COL6A1: variants seen among roughly 807,000 people sequenced by gnomAD.
The protein encoded by COL6A1 is collagen type VI alpha 1 chain.
In COL6A1, 80 loss-of-function variants were observed where a neutral mutation model predicts 145.6. The observed-to-expected ratio is 0.55, with a 90% CI of 0.46 to 0.66. The LOEUF is 0.66. Among genes scored for constraint, COL6A1 ranks in the 30% least tolerant of loss-of-function variants. COL6A1 has a pLI of 0.00. For missense variants in COL6A1, 1,364 were observed against 1,473.8 expected (o/e 0.93, Z 1.22); for synonymous variants, 638 against 622.8 (o/e 1.02, Z -0.36).
In COL6A1 at chr21:46,004,576, C is replaced by A; in HGVS notation, c.*563C>A. On this transcript the variant is annotated 3_prime_UTR_variant, in exon 35 of 35. Coordinates refer to ENST00000361866, the MANE Select transcript of COL6A1 (RefSeq NM_001848.3). ...ACTCAAAGCAAGCTCTTCTCCTCAG[C>A]TTGGGGCAGCCATTGGCCTCTGTCT... The A allele has an allele frequency of 2.9e-6, 1 of 339,802 alleles. No individual in the cohort carries two copies. Among genetic ancestry groups the A allele is most frequent in the South Asian group, 2.2e-5 (1 of 46,478 alleles). 21.0% of individuals were successfully genotyped at this position (339,802 alleles called of 1,614,324 possible). A position where few individuals can be genotyped will look rare whatever the true frequency, so the allele number is the denominator to read the frequency against.
chr21:46,003,212 G>A, intron 34 of COL6A1, 63 bp downstream of exon 34: 1 of 1,612,496 alleles, frequency 6.2e-7, no homozygotes, highest in East Asian at 2.2e-5. Context: ...CGAGGGCTCT[G>A]AGAGGACGGG....
chr21:45,991,246 G>A (rs939860282), intron 15 of COL6A1, among the ~76,000 whole-genome samples: 15 of 152,216 alleles, frequency 9.9e-5, no homozygotes, highest in Non-Finnish European at 1.6e-4. Context: ...TGGCGCTCCC[G>A]CCCAGAGCCT....
intron 2 of COL6A1, 59 bp from the exon 3 acceptor site, chr21:45,984,210 C>CG: frequency 6.6e-7 from 1 of 1,505,680 alleles, no homozygotes; most frequent in Non-Finnish European, 9.0e-7. Flanking sequence ...CGCCCTGGGA[C>CG]GGGTAGCGAT....
intron 21 of COL6A1, 78 bp downstream of exon 21, chr21:45,997,561 G>T (rs947062730): frequency 1.9e-6 from 3 of 1,555,872 alleles, no homozygotes; most frequent in Non-Finnish European, 2.7e-6. Context: ...CCCAGTGCTG[G>T]CCCCGTGCCC....
chr21:46,001,583 A>G (rs1242652992), intron 30 of COL6A1, among the ~76,000 whole-genome samples, 197 bp downstream of exon 30: 2 of 152,244 alleles, frequency 1.3e-5, no homozygotes, highest in Middle Eastern at 3.4e-3. Flanking sequence ...CCCATTGTAC[A>G]CAGGCGCCCC....
chr21:45,985,123 CAGACAGAGAGACAG>C (rs985503964), intron 3 of COL6A1, among the ~76,000 whole-genome samples: 139 of 145,798 alleles, frequency 9.5e-4, no homozygotes, highest in African/African-American at 3.4e-3. Context: ...CAGAGACAGG[CAGACAGAGAGACAG>C]AGACAGAGAC....
chr21:45,997,780 C>T lies in COL6A1; in HGVS notation c.1524+18C>T, dbSNP rs902883953. ...GTGAAAGGGTGAGTGTCCAACAGCT[C>T]GGGCCCTAGGGCGGAGGCCTGGCCG... On this transcript the variant is annotated intron_variant, in intron 22 of 34. Coordinates refer to ENST00000361866, the MANE Select transcript of COL6A1 (RefSeq NM_001848.3). 79 of 1,574,336 alleles carry T rather than the reference C, an allele frequency of 5.0e-5. No individual in the cohort carries two copies. The highest frequency in any genetic ancestry group is 5.9e-5 in the Non-Finnish European group (68 of 1,160,234).
Position 46,000,569 on chromosome 21 carries a change from G to A in COL6A1, c.1814-190G>A, listed in dbSNP as rs569376475. Among the ~76,000 whole-genome samples, 25 of 152,260 alleles carry A rather than the reference G, an allele frequency of 1.6e-4. No homozygotes were observed. In the South Asian group the frequency reaches 3.3e-3, roughly 20 times the overall value. ...CGCACAGGCTGAGAGTCCCCGGTGC[G>A]GTGCAGAGCTGCCACGTGGGGAGGG... On this transcript the variant is annotated intron_variant, in intron 28 of 34. Coordinates refer to ENST00000361866, the MANE Select transcript of COL6A1 (RefSeq NM_001848.3).
intron 33 of COL6A1, 151 bp from the exon 34 acceptor site, chr21:46,002,969 G>C: frequency 8.3e-7 from 1 of 1,205,406 alleles, no homozygotes; most frequent in East Asian, 2.5e-5. Context: ...GGGGCCGCCT[G>C]GGGCTGTCCC....
Position 45,987,114 on chromosome 21 carries a change from G to A in COL6A1, c.718-41G>A, listed in dbSNP as rs370725821. ...GGAGACGGGGAGGCCCGCGGCGGCCGCAGGTGGAAAGTAATTCTGCGTTTC... is the reference window on the plus strand; with the variant it reads ...GGAGACGGGGAGGCCCGCGGCGGCCACAGGTGGAAAGTAATTCTGCGTTTC... On this transcript the variant is annotated intron_variant, in intron 5 of 34. Coordinates refer to ENST00000361866, the MANE Select transcript of COL6A1 (RefSeq NM_001848.3). 51 of 1,578,894 alleles carry A rather than the reference G, an allele frequency of 3.2e-5. No individual in the cohort carries two copies. In the African/African-American group the frequency reaches 4.3e-4, roughly 13 times the overall value.
At chr21:45,984,730 A>G in intron 3 of COL6A1, among the ~76,000 whole-genome samples, 1 of 151,998 alleles carries the variant, frequency 6.6e-6, no homozygotes, top group Non-Finnish European at 1.5e-5. Flanking sequence ...AGAGACAGAG[A>G]CAAAGAGTGA....
At chr21:46,003,210 C>CT in intron 34 of COL6A1, 61 bp downstream of exon 34, 1 of 1,612,564 alleles carries the variant, frequency 6.2e-7, no homozygotes. Context: ...GGCGAGGGCT[C>CT]TGAGAGGACG....
Position 45,989,741 on chromosome 21 carries a change from T to TGG in COL6A1, c.904-9_904-8dup. Reference sequence around the variant, plus strand: ...AGCCTTCCTCTTCCTCTTCTTCCGCTGGGTGTGTAGGGAGAAAAAGGGAGC... The same window carrying TGG: ...AGCCTTCCTCTTCCTCTTCTTCCGCTGGGGGTGTGTAGGGAGAAAAAGGGAGC... On this transcript the variant is annotated splice_polypyrimidine_tract_variant and intron_variant, in intron 10 of 34. Coordinates refer to ENST00000361866, the MANE Select transcript of COL6A1 (RefSeq NM_001848.3). The TGG allele has an allele frequency of 6.2e-7, 1 of 1,612,992 alleles. No homozygotes were observed. Among genetic ancestry groups the TGG allele is most frequent in the Non-Finnish European group, 8.5e-7 (1 of 1,179,982 alleles).
rs2077863160 is a variant in COL6A1 at position 46,003,687 on chromosome 21, G to A, written c.2761G>A (p.Gly921Ser). The A allele has an allele frequency of 6.2e-7, 1 of 1,613,002 alleles. No individual in the cohort carries two copies. Among genetic ancestry groups the A allele is most frequent in the Non-Finnish European group, 8.5e-7 (1 of 1,179,956 alleles). The change falls in exon 35 of 35, where the codon GGC becomes AGC. Residue 921 changes from glycine (G) to serine (S), a missense_variant. By Grantham distance (56) the Gly-to-Ser change is moderately conservative. Coordinates refer to ENST00000361866, the MANE Select transcript of COL6A1 (RefSeq NM_001848.3). Reference sequence around the variant, plus strand: ...CGCCACCGACGTCAACGATGCCCTGGGCTATGTGACCCGCTTCTACCGCGA... The same window carrying A: ...CGCCACCGACGTCAACGATGCCCTGAGCTATGTGACCCGCTTCTACCGCGA... ...NDATDVNDALGYVTRFYREAS... is the reference protein window; with the variant it reads ...NDATDVNDALSYVTRFYREAS...
intron 19 of COL6A1, among the ~76,000 whole-genome samples, chr21:45,993,628 G>T (rs1164007388): frequency 6.6e-6 from 1 of 152,236 alleles, no homozygotes; most frequent in African/African-American, 2.4e-5. Context: ...GAGGGATTTG[G>T]CTCCCCAGTG....
At chr21:45,986,479 G>A in intron 3 of COL6A1, 47 bp from the exon 4 acceptor site, 1 of 1,546,660 alleles carries the variant, frequency 6.5e-7, no homozygotes, top group Non-Finnish European at 8.7e-7. Flanking sequence ...TCTCCCTCCA[G>A]TTCCCCCACC....
rs1273058618 is a variant in COL6A1, at chr21:46,004,892, A to G, written c.*879A>G. The G allele has an allele frequency of 1.8e-5, 3 of 167,190 alleles. No homozygotes were observed. Among genetic ancestry groups the G allele is most frequent in the African/African-American group, 7.2e-5 (3 of 41,904 alleles). The allele number at this position is 167,190 out of a possible 1,614,324, so 10.4% of individuals were successfully genotyped here. ...GTGCCACAGAGGGCTGTGTCTTACTAGAAACAACGCAAACCTCTCCTTCCT... is the reference window on the plus strand; with the variant it reads ...GTGCCACAGAGGGCTGTGTCTTACTGGAAACAACGCAAACCTCTCCTTCCT... On this transcript the variant is annotated 3_prime_UTR_variant, in exon 35 of 35. Coordinates refer to ENST00000361866, the MANE Select transcript of COL6A1 (RefSeq NM_001848.3).
Position 45,989,610 on chromosome 21 carries a change from A to G in COL6A1, c.861A>G (p.Gly287=). Reference sequence around the variant, plus strand: ...CACCATCTCCTCCTGTGTTCCAGGGAAGACCCGGGGACCTCGGACCTGTTG... The same window carrying G: ...CACCATCTCCTCCTGTGTTCCAGGGGAGACCCGGGGACCTCGGACCTGTTG... The part of the protein sequence containing the change: ...PGEKGEAGDP[G]RPGDLGPVGY... Residue 287 remains glycine (G), a splice_region_variant and synonymous_variant, in exon 10 of 35, where the codon GGA becomes GGG. Coordinates refer to ENST00000361866, the MANE Select transcript of COL6A1 (RefSeq NM_001848.3). 6.2e-7 allele frequency: 1 copy of G among 1,612,878 alleles called. No individual in the cohort carries two copies. The highest frequency in any genetic ancestry group is 8.5e-7 in the Non-Finnish European group (1 of 1,179,952).
Position 45,986,515 on chromosome 21 carries a change from C to T in COL6A1, c.429-11C>T, listed in dbSNP as rs375177807. 6.4e-7 allele frequency: 1 copy of T among 1,554,872 alleles called. No homozygotes were observed. Among genetic ancestry groups the T allele is most frequent in the Non-Finnish European group, 8.7e-7 (1 of 1,149,350 alleles). On this transcript the variant is annotated splice_polypyrimidine_tract_variant and intron_variant, in intron 3 of 34. Transcript: ENST00000361866. ...TAGTCTCGAGGTCTCACGCTGCCCT[C>T]TCCTGTCCAGGGGCTCCCACCTGAA... is the stretch of plus-strand genomic sequence containing the variant.
Sources: gnomAD v4.1 joint callset for allele counts (sites outside exome capture counted in the v4.1 genomes callset) on GRCh38, gnomAD v4.1.1 for gene constraint, MANE v1.5 for transcripts, NCBI Gene and HGNC (gene_info 2026-07-23, HGNC 2026-07-21) for gene names.